MYEF2: variants seen among roughly 807,000 people sequenced by gnomAD.
MYEF2 encodes the protein myelin expression factor 2.
A neutral mutation model predicts 75.2 loss-of-function variants in MYEF2; 37 were observed. That is an observed-to-expected ratio of 0.49 (90% CI 0.38 to 0.65). The LOEUF (loss-of-function observed/expected upper bound fraction) is 0.65, where lower values mean the gene tolerates loss of function less well. Among genes scored for constraint, MYEF2 ranks in the 30% least tolerant of loss-of-function variants. The probability of loss-of-function intolerance (pLI) is 0.00; values close to 1 mark genes in which losing one functional copy is unlikely to be tolerated. For synonymous variants in MYEF2, 195 were observed against 241.6 expected (o/e 0.81, Z 1.79); for missense variants, 634 against 771.4 (o/e 0.82, Z 2.11).
At chr15:48,151,763 A>C in intron 12 of MYEF2, 111 bp downstream of exon 12, 1 of 1,310,024 alleles carries the variant, frequency 7.6e-7, no homozygotes, top group East Asian at 2.3e-5. Context: ...CCTAGTGCCT[A>C]TATGCCTTCT....
Position 48,135,813 on chromosome 15 carries a change from T to C in MYEF2, c.*7095A>G, listed in dbSNP as rs921665501. The C allele has an allele frequency of 2.6e-5, 4 of 152,150 alleles. No individual in the cohort carries two copies. The highest frequency in any genetic ancestry group is 5.9e-5 in the Non-Finnish European group (4 of 68,020). 9.4% of individuals were successfully genotyped at this position (152,150 alleles called of 1,614,324 possible). ...TTAAAACCTAGCCAGAAGCATAATT[T>C]CTAAACTAATCATCCTGTCCTCTAG... On this transcript the variant is annotated 3_prime_UTR_variant, in exon 17 of 17. Coordinates refer to ENST00000324324, the MANE Select transcript of MYEF2 (RefSeq NM_016132.5).
Position 48,149,308 on chromosome 15 carries a change from C to A in MYEF2, c.1442G>T (p.Ser481Ile), listed in dbSNP as rs780157404. 2 of 1,613,168 alleles carry A rather than the reference C, an allele frequency of 1.2e-6. No homozygotes were observed. Among genetic ancestry groups the A allele is most frequent in the South Asian group, 2.2e-5 (2 of 91,058 alleles). Reference sequence around the variant, plus strand: ...TGGTCCCATTCTATCAAAGCTGGAACTCATCCGGTCCAGTCCCATCCCCAT... The same window carrying A: ...TGGTCCCATTCTATCAAAGCTGGAAATCATCCGGTCCAGTCCCATCCCCAT... ...GGMGMGLDRM[S>I]SSFDRMGPGI... The change falls in exon 15 of 17, where the codon AGT (serine) becomes ATT (isoleucine). Residue 481 changes from serine (S) to isoleucine (I), a missense_variant. Physicochemically the swap from Ser to Ile is moderately radical, Grantham distance 142 (BLOSUM62 -2). Transcript: ENST00000324324. The surrounding 1 kb of genome is among the most constrained non-coding windows in gnomAD (Gnocchi z 4.0).
At chr15:48,172,198 G>A (rs376969956) in intron 1 of MYEF2, among the ~76,000 whole-genome samples, 3 of 152,054 alleles carry the variant, frequency 2.0e-5, no homozygotes, top group African/African-American at 4.8e-5. Flanking sequence ...TCAGGAGTTC[G>A]AGATGAACCT....
rs1418117933 is a variant in MYEF2 at position 48,141,223 on chromosome 15, T to G, written c.*1685A>C. Reference sequence around the variant, plus strand: ...GTTGGTTGCAAGAAAAGGTAAGAACTAGGTCCCTCAAGCTGCAATGGTCAT... The same window carrying G: ...GTTGGTTGCAAGAAAAGGTAAGAACGAGGTCCCTCAAGCTGCAATGGTCAT... On this transcript the variant is annotated 3_prime_UTR_variant, in exon 17 of 17. Transcript: ENST00000324324. 6.3e-7 allele frequency: 1 copy of G among 1,594,274 alleles called. No individual in the cohort carries two copies. The highest frequency in any genetic ancestry group is 8.6e-7 in the Non-Finnish European group (1 of 1,162,420).
chr15:48,136,155 A>G lies in MYEF2; in HGVS notation c.*6753T>C, dbSNP rs921613331. ...ATTCAGCTACATTCAAATCATTAAA[A>G]ATGCTCTGTATGACAAACTGAAAAA... On this transcript the variant is annotated 3_prime_UTR_variant, in exon 17 of 17. Coordinates refer to ENST00000324324, the MANE Select transcript of MYEF2 (RefSeq NM_016132.5). The G allele has an allele frequency of 1.3e-5, 2 of 152,118 alleles. No homozygotes were observed. Among genetic ancestry groups the G allele is most frequent in the African/African-American group, 4.8e-5 (2 of 41,428 alleles). The allele number at this position is 152,118 out of a possible 1,614,324, so 9.4% of individuals were successfully genotyped here.
rs1350186919 is a variant in MYEF2 at position 48,139,437 on chromosome 15, A to C, written c.*3471T>G. ...ATCTTATAAATGAAATCAAATTCATAGGATGTCTTTTTATTATGCTAATAA... is the reference window on the plus strand; with the variant it reads ...ATCTTATAAATGAAATCAAATTCATCGGATGTCTTTTTATTATGCTAATAA... On this transcript the variant is annotated 3_prime_UTR_variant, in exon 17 of 17. Transcript: ENST00000324324. The C allele has an allele frequency of 7.0e-6, 2 of 285,850 alleles. No homozygotes were observed. The highest frequency in any genetic ancestry group is 1.3e-5 in the Non-Finnish European group (2 of 152,652). 17.7% of individuals were successfully genotyped at this position (285,850 alleles called of 1,614,324 possible).
rs1392873012 is a variant in MYEF2 at position 48,136,845 on chromosome 15, A to G, written c.*6063T>C. The G allele has an allele frequency of 6.2e-7, 1 of 1,613,914 alleles. No individual in the cohort carries two copies. Among genetic ancestry groups the G allele is most frequent in the Non-Finnish European group, 8.5e-7 (1 of 1,179,848 alleles). On this transcript the variant is annotated 3_prime_UTR_variant, in exon 17 of 17. Transcript: ENST00000324324. ...AACAACAGCCACTGATGGGCTGGGA[A>G]GATGAAGGTCAACCATTCATTCGTC...
At position 48,134,862 on chromosome 15, in the gene MYEF2, A is replaced by C; in HGVS notation, c.*8046T>G. On this transcript the variant is annotated 3_prime_UTR_variant, in exon 17 of 17. Transcript: ENST00000324324. ...TTGAAGAAGTTACAATGTAATGGAA[A>C]TAATAACTTACCATATTACAGGTCT... 6.5e-7 allele frequency: 1 copy of C among 1,548,872 alleles called. No individual in the cohort carries two copies. The highest frequency in any genetic ancestry group is 1.4e-5 in the African/African-American group (1 of 73,506).
intron 12 of MYEF2, 108 bp downstream of exon 12, chr15:48,151,766 T>C: frequency 7.5e-7 from 1 of 1,328,608 alleles, no homozygotes; most frequent in Non-Finnish European, 1.1e-6. Flanking sequence ...AGTGCCTATA[T>C]GCCTTCTGAA....
chr15:48,174,812 G>A lies in MYEF2; in HGVS notation c.161+3265C>T, dbSNP rs371649185. ...TAGCAACTGTTGCTGAGGACGTGGA[G>A]AAAGAACCTTTAGATACTGCTGGTG... is the stretch of plus-strand genomic sequence containing the variant. On this transcript the variant is annotated intron_variant, in intron 1 of 16. Transcript: ENST00000324324. Among the ~76,000 whole-genome samples, 135 of 152,132 alleles carry A rather than the reference G, an allele frequency of 8.9e-4. 6 individuals are homozygous for A. The South Asian group carries it at 0.027, about 31-fold the overall frequency.
At chr15:48,174,875 T>A (rs991369694) in intron 1 of MYEF2, among the ~76,000 whole-genome samples, 1 of 152,036 alleles carries the variant, frequency 6.6e-6, no homozygotes, top group Non-Finnish European at 1.5e-5. Flanking sequence ...GAAAACAGCA[T>A]CAAGGGTCCA....
chr15:48,164,059 G>A (rs1438684642), intron 5 of MYEF2, among the ~76,000 whole-genome samples: 1 of 152,122 alleles, frequency 6.6e-6, no homozygotes, highest in Non-Finnish European at 1.5e-5. Flanking sequence ...TTTCAAGCCT[G>A]ATTATTTAAG....
At chr15:48,171,360 T>TA (rs1205508451) in intron 1 of MYEF2, among the ~76,000 whole-genome samples, 2 of 152,204 alleles carry the variant, frequency 1.3e-5, no homozygotes, top group Non-Finnish European at 2.9e-5. Context: ...CTGAAGTACT[T>TA]ACAATGTTCT....
At chr15:48,170,885 T>G (rs2040310437) in intron 1 of MYEF2, among the ~76,000 whole-genome samples, 1 of 152,208 alleles carries the variant, frequency 6.6e-6, no homozygotes, top group African/African-American at 2.4e-5. Context: ...TCCATACTCA[T>G]CTGAGCACAG....
rs1171867558 is a variant in MYEF2, at chr15:48,141,321, G to A, written c.*1587C>T. On this transcript the variant is annotated 3_prime_UTR_variant, in exon 17 of 17. Coordinates refer to ENST00000324324, the MANE Select transcript of MYEF2 (RefSeq NM_016132.5). Reference sequence around the variant, plus strand: ...CAGCCGGGTGTGGTGGCTCGCGCCTGTAATCCCAGGATTTTGGGAGGCCGA... The same window carrying A: ...CAGCCGGGTGTGGTGGCTCGCGCCTATAATCCCAGGATTTTGGGAGGCCGA... 5.8e-6 allele frequency: 5 copies of A among 864,698 alleles called. No individual in the cohort carries two copies. The East Asian group carries it at 1.1e-4, about 20-fold the overall frequency. 53.6% of individuals were successfully genotyped at this position (864,698 alleles called of 1,614,324 possible). A position where few individuals can be genotyped will look rare whatever the true frequency, so the allele number is the denominator to read the frequency against.
At chr15:48,176,952 G>A (rs2140953498) in intron 1 of MYEF2, among the ~76,000 whole-genome samples, 1 of 152,214 alleles carries the variant, frequency 6.6e-6, no homozygotes, top group South Asian at 2.1e-4. Context: ...AAAGAGCTGG[G>A]GAGAGCTACC....
At chr15:48,169,151 G>A (rs919685149) in intron 1 of MYEF2, among the ~76,000 whole-genome samples, 2 of 152,138 alleles carry the variant, frequency 1.3e-5, no homozygotes, top group Non-Finnish European at 2.9e-5. Context: ...TGGAACAGAG[G>A]GAAGAGCAGA....
intron 1 of MYEF2, among the ~76,000 whole-genome samples, chr15:48,172,969 A>G (rs1231402288): frequency 6.6e-6 from 1 of 152,198 alleles, no homozygotes; most frequent in Non-Finnish European, 1.5e-5. Flanking sequence ...AAAAAACTGA[A>G]CATGAGGAAA....
chr15:48,149,883 C>T lies in MYEF2; in HGVS notation c.1379-512G>A, dbSNP rs900594343. 1 of 152,386 alleles carries T rather than the reference C, an allele frequency of 6.6e-6. No individual in the cohort carries two copies. Among genetic ancestry groups the T allele is most frequent in the Non-Finnish European group, 1.5e-5 (1 of 68,282 alleles). 9.4% of individuals were successfully genotyped at this position (152,386 alleles called of 1,614,324 possible). A position where few individuals can be genotyped will look rare whatever the true frequency, so the allele number is the denominator to read the frequency against. On this transcript the variant is annotated intron_variant, in intron 14 of 16. Transcript: ENST00000324324. The surrounding 1 kb of genome is among the most constrained non-coding windows in gnomAD (Gnocchi z 4.0). ...AGTAAATACTCCTTTCCTAGCTTAT[C>T]TTTCACCTCAGCATCTTCACCTCTG...
Sources: gnomAD v4.1 joint callset for allele counts (sites outside exome capture counted in the v4.1 genomes callset) on GRCh38, gnomAD v4.1.1 for gene constraint, Gnocchi (gnomAD v3.1) non-coding constraint, MANE v1.5 for transcripts, NCBI Gene and HGNC (gene_info 2026-07-23, HGNC 2026-07-21) for gene names.